The following SGCD variants were observed in gnomAD, a reference collection of about 807,000 sequenced individuals.
SGCD encodes the protein delta-sarcoglycan.
Under a neutral mutation model 36.6 loss-of-function variants are expected in SGCD, and 18 were observed. The observed-to-expected ratio is 0.49, with a 90% CI of 0.34 to 0.73. SGCD has a LOEUF of 0.73. SGCD is among the 30% of genes least tolerant of loss of function. SGCD has a pLI of 0.01. For missense variants in SGCD, 387 were observed against 346.7 expected (o/e 1.12, Z -0.92); for synonymous variants, 133 against 130.6 (o/e 1.02, Z -0.12).
At chr5:156,375,772 T>C (rs1309117629) in intron 3 of SGCD, among the ~76,000 whole-genome samples, 1 of 152,206 alleles carries the variant, frequency 6.6e-6, no homozygotes, top group African/African-American at 2.4e-5. Context: ...ATTTTTTAAC[T>C]CAAATTCTCT....
At chr5:156,478,538 GC>G (rs1303311426) in intron 3 of SGCD, among the ~76,000 whole-genome samples, 2 of 152,128 alleles carry the variant, frequency 1.3e-5, no homozygotes, top group African/African-American at 4.8e-5. Context: ...GAAACAACAG[GC>G]CCTCCATTCA....
chr5:156,264,051 TA>T (rs201884680), intron 3 of SGCD, among the ~76,000 whole-genome samples: 10 of 150,814 alleles, frequency 6.6e-5, no homozygotes, highest in East Asian at 3.9e-4. Flanking sequence ...AGATTGATTG[TA>T]AAAAAAAAGA....
chr5:156,395,645 A>C (rs1580924342), intron 3 of SGCD, among the ~76,000 whole-genome samples: 1 of 152,204 alleles, frequency 6.6e-6, no homozygotes, highest in Admixed American at 6.5e-5. Context: ...GCTAAACTGT[A>C]CATCTAATCC....
intron 7 of SGCD, 36 bp from the exon 8 acceptor site, chr5:156,757,545 A>G: frequency 7.6e-7 from 1 of 1,316,094 alleles, no homozygotes; most frequent in South Asian, 1.3e-5. Context: ...TAAAAAGAAA[A>G]AGGGATCTTT....
intron 7 of SGCD, among the ~76,000 whole-genome samples, chr5:156,712,510 AC>A (rs1755037380): frequency 1.3e-5 from 2 of 152,210 alleles, no homozygotes. Flanking sequence ...TTAGGTAGGA[AC>A]CGTTGTTTGC....
chr5:155,730,341 C>T, the SGCD span, among the ~76,000 whole-genome samples: 1 of 152,038 alleles, frequency 6.6e-6, no homozygotes, highest in Non-Finnish European at 1.5e-5. Context: ...CCTCGGCTTA[C>T]TCATTTGTAG....
chr5:155,872,911 G>A (rs1445254358), intron 1 of SGCD, among the ~76,000 whole-genome samples: 4 of 152,108 alleles, frequency 2.6e-5, no homozygotes, highest in Admixed American at 6.6e-5. Flanking sequence ...GCAAAACTTC[G>A]TGTGTTAAAA....
chr5:155,772,534 C>T, the SGCD span, among the ~76,000 whole-genome samples: 20 of 152,176 alleles, frequency 1.3e-4, no homozygotes, highest in East Asian at 2.1e-3. Context: ...CTTTTGACCA[C>T]GTAGTGTTTT....
chr5:156,651,633 T>C (rs906108429), intron 7 of SGCD, among the ~76,000 whole-genome samples: 39 of 152,270 alleles, frequency 2.6e-4, no homozygotes, highest in African/African-American at 8.4e-4. Context: ...TTCTGGTTTC[T>C]CTATTCTGTT....
At chr5:156,414,437 A>C (rs1772925250) in intron 3 of SGCD, among the ~76,000 whole-genome samples, 1 of 152,252 alleles carries the variant, frequency 6.6e-6, no homozygotes, top group Non-Finnish European at 1.5e-5. Context: ...AATTATCATA[A>C]AAGAATATTG....
intron 3 of SGCD, among the ~76,000 whole-genome samples, chr5:156,348,222 A>G (rs1769048005): frequency 6.6e-6 from 1 of 152,200 alleles, no homozygotes; most frequent in East Asian, 1.9e-4. Context: ...TTATGCAGAG[A>G]TTTAAAAATA....
At chr5:156,338,946 A>G (rs10074370) in intron 2 of SGCD, among the ~76,000 whole-genome samples, 26,139 of 106,036 alleles carry the variant, frequency 0.25, 3,314 homozygotes, top group African/African-American at 0.5. Context: ...TTAAATTAAT[A>G]TCAAGTCTTG....
chr5:156,000,681 A>G (rs1193399812), intron 1 of SGCD, among the ~76,000 whole-genome samples: 1 of 151,974 alleles, frequency 6.6e-6, no homozygotes, highest in Non-Finnish European at 1.5e-5. Context: ...CCAGGGCAGA[A>G]GCCCCTCCGA....
intron 3 of SGCD, among the ~76,000 whole-genome samples, chr5:156,383,578 C>T (rs1002591709): frequency 2.0e-5 from 3 of 152,070 alleles, no homozygotes; most frequent in Admixed American, 6.6e-5. Context: ...GGCTGCTCTG[C>T]TTCTGGTCAC....
chr5:155,854,458 T>C, the SGCD span, among the ~76,000 whole-genome samples: 2 of 152,162 alleles, frequency 1.3e-5, 1 homozygote, highest in Admixed American at 1.3e-4. Flanking sequence ...GAAGCTTTTT[T>C]TCGTGGATGT....
chr5:155,731,274 G>C, the SGCD span, among the ~76,000 whole-genome samples: 4 of 151,908 alleles, frequency 2.6e-5, no homozygotes, highest in African/African-American at 9.7e-5. Context: ...AGAGAGAAAG[G>C]GATGGAAGGG....
At chr5:156,136,151 T>A (rs571087598) in intron 3 of SGCD, among the ~76,000 whole-genome samples, 1 of 152,330 alleles carries the variant, frequency 6.6e-6, no homozygotes, top group Non-Finnish European at 1.5e-5. Flanking sequence ...TTTGCTCTGT[T>A]GCCCAGCCTA....
Position 156,760,114 on chromosome 5 carries a change from A to G in SGCD, c.*724A>G, listed in dbSNP as rs574077460. The G allele has an allele frequency of 3.3e-5, 5 of 152,342 alleles. No homozygotes were observed. In the East Asian group the frequency reaches 9.6e-4, roughly 29 times the overall value. 9.4% of individuals were successfully genotyped at this position (152,342 alleles called of 1,614,324 possible). ...TCCCTCCAAACTCACAGATTCTCCT[A>G]CAGTCAAATTAGGAGCTGTAAATCA... is the stretch of plus-strand genomic sequence containing the variant. On this transcript the variant is annotated 3_prime_UTR_variant, in exon 9 of 9. Transcript: ENST00000337851.
At chr5:156,176,989 A>G (rs904885004) in intron 3 of SGCD, among the ~76,000 whole-genome samples, 2 of 152,118 alleles carry the variant, frequency 1.3e-5, no homozygotes, top group African/African-American at 4.8e-5. Flanking sequence ...AAACAAATTA[A>G]GGTAATTTTT....
Sources: allele counts gnomAD v4.1 joint callset (sites outside exome capture counted in the v4.1 genomes callset), GRCh38; gene constraint gnomAD v4.1.1; transcripts MANE v1.5; gene names NCBI Gene and HGNC (gene_info 2026-07-23, HGNC 2026-07-21).